Variants in ANO5 observed in about 807,000 individuals in gnomAD.
The protein encoded by ANO5 is anoctamin 5.
A neutral mutation model predicts 121.0 loss-of-function variants in ANO5; 109 were observed. The ratio of observed to expected loss-of-function variants is 0.90; its 90% CI spans 0.77 to 1.06. The LOEUF (loss-of-function observed/expected upper bound fraction) is 1.06, where lower values mean the gene tolerates loss of function less well. Among genes scored for constraint, ANO5 ranks in the 50% least tolerant of loss-of-function variants. The pLI, the probability that ANO5 is intolerant of heterozygous loss-of-function variation, is 0.00. For missense variants in ANO5, 1,064 were observed against 1,078.5 expected (o/e 0.99, Z 0.19); for synonymous variants, 406 against 359.9 (o/e 1.13, Z -1.45).
At chr11:22,226,319 AAC>A (rs1291356875) in intron 6 of ANO5, among the ~76,000 whole-genome samples, 2 of 152,122 alleles carry the variant, frequency 1.3e-5, no homozygotes, top group Non-Finnish European at 2.9e-5. Flanking sequence ...TTTTTATCAT[AAC>A]AGTTTCATTT....
intron 17 of ANO5, among the ~76,000 whole-genome samples, chr11:22,264,464 T>TA (rs1004031712): frequency 2.1e-5 from 3 of 141,176 alleles, no homozygotes; most frequent in South Asian, 2.2e-4. Context: ...GGTAAAAGAA[T>TA]AAAAAAATTT....
chr11:22,226,123 C>T (rs530467287), intron 6 of ANO5, 71 bp downstream of exon 6: 55 of 1,263,958 alleles, frequency 4.4e-5, no homozygotes, highest in South Asian at 2.8e-4. Flanking sequence ...TGGCCTTTGC[C>T]TGGATAGACT....
intron 1 of ANO5, among the ~76,000 whole-genome samples, chr11:22,202,884 T>C (rs1425450512): frequency 1.3e-5 from 2 of 152,202 alleles, no homozygotes; most frequent in African/African-American, 4.8e-5. Flanking sequence ...AAATCCAGTA[T>C]AACTTCATCT....
chr11:22,196,310 C>T (rs912208981), intron 1 of ANO5, among the ~76,000 whole-genome samples: 1 of 152,048 alleles, frequency 6.6e-6, no homozygotes, highest in African/African-American at 2.4e-5. Context: ...GAACCCAATT[C>T]TAATGTAACT....
At position 22,272,997 on chromosome 11, in the gene ANO5, G is replaced by C; in HGVS notation, c.2235+8G>C. ...CTTTCTGTTGCAACTAATGTAAGTG[G>C]ACCTATTTCGGTGGGGTGACTTTGT... On this transcript the variant is annotated splice_region_variant and intron_variant, in intron 19 of 21. Coordinates refer to ENST00000324559, the MANE Select transcript of ANO5 (RefSeq NM_213599.3). 6.2e-7 allele frequency: 1 copy of C among 1,612,890 alleles called. No individual in the cohort carries two copies. Among genetic ancestry groups the C allele is most frequent in the African/African-American group, 1.3e-5 (1 of 74,972 alleles).
At chr11:22,204,918 T>A (rs1349021489) in intron 2 of ANO5, among the ~76,000 whole-genome samples, 1 of 152,154 alleles carries the variant, frequency 6.6e-6, no homozygotes, top group Non-Finnish European at 1.5e-5. Context: ...GTAGCACTAT[T>A]CACAATAGCA....
In ANO5 at chr11:22,236,164, T is replaced by C. The variant is rs749876289; in HGVS notation, c.650T>C (p.Val217Ala). 8 of 1,597,384 alleles carry C rather than the reference T, an allele frequency of 5.0e-6. No individual in the cohort carries two copies. The highest frequency in any genetic ancestry group is 6.0e-6 in the Non-Finnish European group (7 of 1,165,198). ...FFPSSSRNRI[V>A]YYILSRCPFG... ...TGTCTCTTTGCACTTACCTTGTAGG[T>C]GTACTATATTCTCTCAAGATGTCCT... The change falls in exon 8 of 22, where the codon GTG (valine) becomes GCG (alanine). Residue 217 changes from valine to alanine, a missense_variant and splice_region_variant. Physicochemically the swap from Val to Ala is moderately conservative, Grantham distance 64. Coordinates refer to ENST00000324559, the MANE Select transcript of ANO5 (RefSeq NM_213599.3).
chr11:22,215,731 A>G (rs1852420519), intron 3 of ANO5, among the ~76,000 whole-genome samples: 1 of 151,922 alleles, frequency 6.6e-6, no homozygotes, highest in Admixed American at 6.6e-5. Flanking sequence ...AAATGCACCC[A>G]TTTTAAGTGT....
intron 14 of ANO5, among the ~76,000 whole-genome samples, chr11:22,259,242 C>T (rs1260215005): frequency 1.3e-5 from 2 of 152,060 alleles, no homozygotes; most frequent in Non-Finnish European, 2.9e-5. Flanking sequence ...TATAGTTTGC[C>T]ACTCCCTACT....
At chr11:22,277,639 T>C (rs1374155766) in intron 21 of ANO5, 1 of 151,578 alleles carries the variant, frequency 6.6e-6, no homozygotes, top group Non-Finnish European at 1.5e-5. Flanking sequence ...TCTCCCTCTG[T>C]CTCTTAGTTC....
chr11:22,259,840 A>G (rs1053615635), intron 15 of ANO5, 99 bp downstream of exon 15: 3 of 1,244,576 alleles, frequency 2.4e-6, no homozygotes, highest in Non-Finnish European at 3.4e-6. Context: ...TTTTCAAAGG[A>G]CACATTTTAA....
rs755092814 is a variant in ANO5 at position 22,250,279 on chromosome 11, T to C, written c.921T>C (p.Leu307=). 11 of 1,608,768 alleles carry C rather than the reference T, an allele frequency of 6.8e-6. No individual in the cohort carries two copies. The highest frequency in any genetic ancestry group is 2.7e-5 in the African/African-American group (2 of 74,834). Reference sequence around the variant, plus strand: ...AAATTGGTATCTATTTTGTCTTTCTTGGATTTTACACAGAAATGCTATTCT... The same window carrying C: ...AAATTGGTATCTATTTTGTCTTTCTCGGATTTTACACAGAAATGCTATTCT... The part of the protein sequence containing the change: ...GEKIGIYFVF[L]GFYTEMLFFA... The change falls in exon 10 of 22, where the codon CTT becomes CTC. Residue 307 remains leucine (L), a synonymous_variant. Coordinates refer to ENST00000324559, the MANE Select transcript of ANO5 (RefSeq NM_213599.3).
rs1851699057 is a variant in ANO5 at position 22,193,156 on chromosome 11, G to A, written c.-337G>A. The A allele has an allele frequency of 1.7e-6, 2 of 1,177,392 alleles. No homozygotes were observed. Among genetic ancestry groups the A allele is most frequent in the African/African-American group, 1.6e-5 (1 of 62,710 alleles). The allele number at this position is 1,177,392 out of a possible 1,614,324, so 72.9% of individuals were successfully genotyped here. ...AGCTGCCGAGCAGGCACAGGGACAG[G>A]TGCCTGGAGAAGTACTGGGAGAGCG... is the stretch of plus-strand genomic sequence containing the variant. On this transcript the variant is annotated 5_prime_UTR_variant, in exon 1 of 22. The change creates a new upstream start codon in the 5' untranslated region. Transcript: ENST00000324559.
intron 1 of ANO5, 106 bp from the exon 2 acceptor site, chr11:22,203,698 G>T: frequency 4.3e-6 from 3 of 691,758 alleles, no homozygotes; most frequent in Non-Finnish European, 7.3e-6. Context: ...TTTTTTCTTT[G>T]AATTTTTTAA....
intron 1 of ANO5, among the ~76,000 whole-genome samples, chr11:22,196,070 G>A (rs545786162): frequency 6.6e-6 from 1 of 152,290 alleles, no homozygotes; most frequent in Admixed American, 6.5e-5. Context: ...ATTGAGACCT[G>A]TGTTCTTATT....
At chr11:22,257,952 T>C (rs1854058651) in intron 14 of ANO5, among the ~76,000 whole-genome samples, 198 bp downstream of exon 14, 1 of 152,172 alleles carries the variant, frequency 6.6e-6, no homozygotes. Context: ...GGAAAAGATC[T>C]TGGGGAAAAG....
intron 17 of ANO5, among the ~76,000 whole-genome samples, chr11:22,267,686 G>C (rs189831198): frequency 2.0e-5 from 3 of 151,734 alleles, no homozygotes; most frequent in Admixed American, 2.0e-4. Flanking sequence ...TGTCATGGGG[G>C]TTTGTTGTAT....
chr11:22,213,659 G>GATGAA (rs1852352297), intron 3 of ANO5, among the ~76,000 whole-genome samples: 1 of 151,304 alleles, frequency 6.6e-6, no homozygotes, highest in African/African-American at 2.4e-5. Context: ...GCAATCTTCA[G>GATGAA]ATGAAAGTCA....
chr11:22,272,760 C>G (rs1295015819), intron 18 of ANO5, 24 bp from the exon 19 acceptor site: 1 of 1,600,320 alleles, frequency 6.2e-7, no homozygotes, highest in Admixed American at 1.7e-5. Context: ...ATAATGAGTT[C>G]ATGCCTTTTT....
Sources: gnomAD v4.1 joint callset for allele counts (sites outside exome capture counted in the v4.1 genomes callset) on GRCh38, gnomAD v4.1.1 for gene constraint, MANE v1.5 for transcripts, NCBI Gene and HGNC (gene_info 2026-07-23, HGNC 2026-07-21) for gene names.